The following XPO6 variants were observed in gnomAD, a reference collection of about 807,000 sequenced individuals.
XPO6 encodes the protein exportin-6.
A neutral mutation model predicts 130.0 loss-of-function variants in XPO6; 3 were observed. That is an observed-to-expected ratio of 0.02 (90% CI 0.01 to 0.06). The LOEUF is 0.06. XPO6 is among the 10% of genes least tolerant of loss of function. XPO6 has a pLI of 1.00. For synonymous variants in XPO6, 524 were observed against 548.9 expected (o/e 0.95, Z 0.63); for missense variants, 970 against 1,393.0 (o/e 0.70, Z 4.83).
At chr16:28,181,108 T>C in intron 1 of XPO6, 77 bp from the exon 2 acceptor site, 1 of 1,104,890 alleles carries the variant, frequency 9.1e-7, no homozygotes. Flanking sequence ...CTAGGTCACA[T>C]TCAACAGCAA....
At chr16:28,183,443 A>C (rs1452190289) in intron 1 of XPO6, 4 of 152,018 alleles carry the variant, frequency 2.6e-5, no homozygotes, top group Non-Finnish European at 1.5e-5. Flanking sequence ...AAAAAAAAAA[A>C]AAAAAACCCA....
intron 21 of XPO6, among the ~76,000 whole-genome samples, chr16:28,103,009 CT>C (rs1157385453): frequency 1.3e-5 from 2 of 152,148 alleles, no homozygotes; most frequent in Non-Finnish European, 2.9e-5. Context: ...CACTTATTTA[CT>C]GTTTAAAGTT....
chr16:28,104,158 G>T (rs1262127398), intron 21 of XPO6, among the ~76,000 whole-genome samples: 2 of 152,212 alleles, frequency 1.3e-5, no homozygotes, highest in Non-Finnish European at 2.9e-5. Flanking sequence ...CAGAATCACA[G>T]TGCAGGTCTG....
At chr16:28,193,740 T>C (rs1180419636) in intron 1 of XPO6, among the ~76,000 whole-genome samples, 1 of 152,092 alleles carries the variant, frequency 6.6e-6, no homozygotes, top group East Asian at 1.9e-4. Context: ...TAACTCTACA[T>C]GGGGTTTTCC....
chr16:28,142,127 T>C (rs148007512), intron 9 of XPO6, among the ~76,000 whole-genome samples: 1 of 152,364 alleles, frequency 6.6e-6, no homozygotes, highest in Non-Finnish European at 1.5e-5. Flanking sequence ...ACATTTCCCA[T>C]TTAAGACAGC....
At chr16:28,117,157 G>C (rs2087086404) in intron 15 of XPO6, 161 bp downstream of exon 15, 1 of 938,766 alleles carries the variant, frequency 1.1e-6, no homozygotes, top group South Asian at 2.0e-5. Context: ...ATGCATGTAG[G>C]CTACAACTAA....
At chr16:28,143,480 C>T (rs897992909) in intron 9 of XPO6, among the ~76,000 whole-genome samples, 2 of 152,122 alleles carry the variant, frequency 1.3e-5, no homozygotes, top group African/African-American at 4.8e-5. Flanking sequence ...TATAACTTGA[C>T]CAAAAGTAAC....
intron 9 of XPO6, among the ~76,000 whole-genome samples, chr16:28,138,795 A>T (rs1319491424): frequency 6.6e-6 from 1 of 152,186 alleles, no homozygotes; most frequent in Non-Finnish European, 1.5e-5. Context: ...TGATGTCTGT[A>T]GCATCATCCA....
chr16:28,184,558 G>C (rs537393006), intron 1 of XPO6, among the ~76,000 whole-genome samples: 2 of 150,314 alleles, frequency 1.3e-5, no homozygotes, highest in East Asian at 1.9e-4. Context: ...TATGGAAACA[G>C]GGAACTCATA....
At chr16:28,209,914 G>C (rs981118576) in intron 1 of XPO6, among the ~76,000 whole-genome samples, 1 of 151,994 alleles carries the variant, frequency 6.6e-6, no homozygotes, top group African/African-American at 2.4e-5. Context: ...TGAGGAGGAC[G>C]GATCACTTGA....
At chr16:28,200,985 C>T (rs1245289330) in intron 1 of XPO6, among the ~76,000 whole-genome samples, 2 of 152,044 alleles carry the variant, frequency 1.3e-5, no homozygotes, top group Non-Finnish European at 2.9e-5. Context: ...GCCTCTTTCA[C>T]CCCCTCACTT....
At chr16:28,147,755 G>A (rs2141805334) in intron 8 of XPO6, among the ~76,000 whole-genome samples, 1 of 152,312 alleles carries the variant, frequency 6.6e-6, no homozygotes, top group East Asian at 1.9e-4. Context: ...AGACCACCCT[G>A]GCCAACATGG....
At chr16:28,163,043 C>A (rs1401644453) in intron 6 of XPO6, among the ~76,000 whole-genome samples, 1 of 152,130 alleles carries the variant, frequency 6.6e-6, no homozygotes, top group Non-Finnish European at 1.5e-5. Context: ...TCACTAGATG[C>A]CAATAGCACT....
intron 23 of XPO6, among the ~76,000 whole-genome samples, chr16:28,098,998 T>C (rs1038834151): frequency 3.9e-5 from 6 of 151,920 alleles, no homozygotes; most frequent in African/African-American, 1.5e-4. Context: ...TGGCCCCAGC[T>C]CACACTGAAG....
chr16:28,125,980 G>A (rs543240397), intron 12 of XPO6, 132 bp from the exon 13 acceptor site: 126 of 1,144,634 alleles, frequency 1.1e-4, no homozygotes, highest in Non-Finnish European at 1.5e-4. Flanking sequence ...AGCAACCCAC[G>A]GGCTGCTTCC....
chr16:28,182,259 G>C (rs1490284028), intron 1 of XPO6, among the ~76,000 whole-genome samples: 1 of 151,988 alleles, frequency 6.6e-6, no homozygotes. Context: ...GTATACCAGC[G>C]GCCTCCGTCG....
chr16:28,193,925 C>G (rs1029046945), intron 1 of XPO6, among the ~76,000 whole-genome samples: 2 of 152,162 alleles, frequency 1.3e-5, no homozygotes, highest in Non-Finnish European at 2.9e-5. Context: ...CCTTCCACCC[C>G]CAACAGGTGG....
At chr16:28,158,131 A>G (rs2043212214) in intron 6 of XPO6, among the ~76,000 whole-genome samples, 2 of 152,254 alleles carry the variant, frequency 1.3e-5, no homozygotes, top group African/African-American at 4.8e-5. Context: ...CAGTTTTACT[A>G]TACCACTTAC....
intron 3 of XPO6, 147 bp from the exon 4 acceptor site, chr16:28,176,242 A>T (rs2043531789): frequency 1.4e-6 from 1 of 711,770 alleles, no homozygotes; most frequent in Non-Finnish European, 2.3e-6. Flanking sequence ...AGAATAATAA[A>T]AGTATTCAAA....
Sources: gnomAD v4.1 joint callset for allele counts (sites outside exome capture counted in the v4.1 genomes callset) on GRCh38, gnomAD v4.1.1 for gene constraint, MANE v1.5 for transcripts, NCBI Gene and HGNC (gene_info 2026-07-23, HGNC 2026-07-21) for gene names.